MAP7: variants seen among roughly 807,000 people sequenced by gnomAD.
MAP7 encodes microtubule associated protein 7, also known as ensconsin.
Under a neutral mutation model 94.8 loss-of-function variants are expected in MAP7, and 52 were observed. The ratio of observed to expected loss-of-function variants is 0.55; its 90% CI spans 0.44 to 0.69. MAP7 has a LOEUF of 0.69. Ranked by LOEUF, MAP7 falls within the 30% of genes least tolerant of loss-of-function variation. The pLI is 0.00. For synonymous variants in MAP7, 350 were observed against 357.0 expected, an observed-to-expected ratio of 0.98 and a Z score of 0.22; for missense variants, 940 against 964.6, an observed-to-expected ratio of 0.97 and a Z score of 0.34.
chr6:136,516,961 A>C (rs1383733784), intron 1 of MAP7, among the ~76,000 whole-genome samples: 1 of 139,252 alleles, frequency 7.2e-6, no homozygotes, highest in Non-Finnish European at 1.5e-5. Context: ...ATCAGAAGGA[A>C]AAAAAAACCC....
intron 3 of MAP7, among the ~76,000 whole-genome samples, chr6:136,404,655 A>C (rs778523042): frequency 6.6e-6 from 1 of 152,222 alleles, no homozygotes; most frequent in Non-Finnish European, 1.5e-5. Context: ...TTGACTCTTC[A>C]TATAAAAATT....
intron 1 of MAP7, among the ~76,000 whole-genome samples, chr6:136,492,906 G>GTA (rs1817048721): frequency 1.3e-5 from 2 of 152,112 alleles, no homozygotes; most frequent in African/African-American, 2.4e-5. Flanking sequence ...CAGAAATAGT[G>GTA]TATATATATT....
chr6:136,477,399 C>T (rs1811274919), intron 1 of MAP7, among the ~76,000 whole-genome samples: 1 of 152,060 alleles, frequency 6.6e-6, no homozygotes, highest in African/African-American at 2.4e-5. Context: ...GACAAAATAG[C>T]ACAATACATA....
At chr6:136,381,642 G>C (rs886514260) in intron 6 of MAP7, among the ~76,000 whole-genome samples, 1 of 152,044 alleles carries the variant, frequency 6.6e-6, no homozygotes, top group Non-Finnish European at 1.5e-5. Context: ...AGGCTGACCT[G>C]GCCTGCTAGA....
intron 1 of MAP7, among the ~76,000 whole-genome samples, chr6:136,503,479 T>C (rs1464341514): frequency 2.6e-5 from 4 of 152,222 alleles, no homozygotes; most frequent in Admixed American, 6.5e-5. Context: ...GAGATGATAA[T>C]TGCCCTTCCC....
chr6:136,407,437 A>G (rs556560491), intron 3 of MAP7, among the ~76,000 whole-genome samples: 1 of 152,364 alleles, frequency 6.6e-6, no homozygotes, highest in East Asian at 1.9e-4. Context: ...AAGCCTTTAA[A>G]ACAGAAGGAC....
chr6:136,394,968 A>ATATC (rs1554243264), intron 3 of MAP7, among the ~76,000 whole-genome samples: 4 of 130,596 alleles, frequency 3.1e-5, no homozygotes, highest in African/African-American at 1.1e-4. Flanking sequence ...ATATATATAT[A>ATATC]TATCACATTT....
At chr6:136,533,807 C>T (rs768018333) in intron 1 of MAP7, among the ~76,000 whole-genome samples, 4 of 152,128 alleles carry the variant, frequency 2.6e-5, no homozygotes, top group Non-Finnish European at 4.4e-5. Context: ...AAGAGGAGTA[C>T]CAAGCCATTC....
chr6:136,496,962 A>T (rs1818436138), intron 1 of MAP7, among the ~76,000 whole-genome samples: 1 of 151,880 alleles, frequency 6.6e-6, no homozygotes. Flanking sequence ...TCAAAAAAAA[A>T]AATAAATGAA....
At chr6:136,418,202 A>G (rs1314561715) in intron 2 of MAP7, among the ~76,000 whole-genome samples, 1 of 151,732 alleles carries the variant, frequency 6.6e-6, no homozygotes, top group African/African-American at 2.4e-5. Context: ...GACTTCTGTA[A>G]TGTGGTTTGT....
chr6:136,363,310 C>T (rs1002324475), intron 10 of MAP7, among the ~76,000 whole-genome samples: 11 of 152,224 alleles, frequency 7.2e-5, no homozygotes, highest in Non-Finnish European at 1.3e-4. Flanking sequence ...TGGCCTTACT[C>T]GGATTTAGGA....
At chr6:136,542,338 C>T (rs752936671) in intron 1 of MAP7, among the ~76,000 whole-genome samples, 1 of 152,162 alleles carries the variant, frequency 6.6e-6, no homozygotes, top group Non-Finnish European at 1.5e-5. Flanking sequence ...TCACATTTAG[C>T]TTACAGAACC....
intron 1 of MAP7, among the ~76,000 whole-genome samples, chr6:136,504,035 G>A (rs1399090859): frequency 6.6e-6 from 1 of 152,114 alleles, no homozygotes; most frequent in Non-Finnish European, 1.5e-5. Context: ...AGAATTCTAG[G>A]CAGCACTTAA....
At chr6:136,394,070 G>A (rs938887217) in intron 3 of MAP7, among the ~76,000 whole-genome samples, 1 of 138,426 alleles carries the variant, frequency 7.2e-6, no homozygotes, top group African/African-American at 2.7e-5. Flanking sequence ...TGCAACCTCC[G>A]CCTCCCAGGT....
At chr6:136,350,472 C>G (rs1192792383) in intron 16 of MAP7, among the ~76,000 whole-genome samples, 1 of 152,188 alleles carries the variant, frequency 6.6e-6, no homozygotes, top group Non-Finnish European at 1.5e-5. Context: ...AGATGTAAAA[C>G]TGTTTAAAAA....
chr6:136,473,530 C>T (rs901711537), intron 1 of MAP7, among the ~76,000 whole-genome samples: 2 of 152,164 alleles, frequency 1.3e-5, no homozygotes, highest in Non-Finnish European at 2.9e-5. Context: ...ATCTGTTTGA[C>T]ATCTGACATC....
intron 1 of MAP7, among the ~76,000 whole-genome samples, chr6:136,518,346 T>C (rs1224437556): frequency 6.6e-6 from 1 of 152,154 alleles, no homozygotes; most frequent in Admixed American, 6.5e-5. Context: ...ATATGAGAAT[T>C]TCCTTACTAA....
At chr6:136,501,335 T>C (rs925938639) in intron 1 of MAP7, among the ~76,000 whole-genome samples, 3 of 152,248 alleles carry the variant, frequency 2.0e-5, no homozygotes, top group African/African-American at 7.2e-5. Flanking sequence ...GGCCAGGAGG[T>C]GGCCTGGAGT....
chr6:136,383,006 C>G (rs1054294205), intron 6 of MAP7, among the ~76,000 whole-genome samples: 2 of 152,050 alleles, frequency 1.3e-5, no homozygotes, highest in African/African-American at 4.8e-5. Flanking sequence ...ATAAATAACT[C>G]AACATTCATG....
Sources: allele counts gnomAD v4.1 joint callset (sites outside exome capture counted in the v4.1 genomes callset), GRCh38; gene constraint gnomAD v4.1.1; transcripts MANE v1.5; gene names NCBI Gene and HGNC (gene_info 2026-07-23, HGNC 2026-07-21).